Variants in LPA observed in about 807,000 individuals in gnomAD.
LPA encodes the protein lipoprotein(a).
Under a neutral mutation model 197.9 loss-of-function variants are expected in LPA, and 199 were observed. The observed-to-expected ratio is 1.01, with a 90% CI of 0.90 to 1.13. The LOEUF (loss-of-function observed/expected upper bound fraction) is 1.13, where lower values mean the gene tolerates loss of function less well. LPA is among the 50% of genes most tolerant of loss of function. LPA has a pLI of 0.00. For missense variants in LPA, 1,853 were observed against 1,785.8 expected (o/e 1.04, Z -0.68); for synonymous variants, 715 against 639.5 (o/e 1.12, Z -1.78).
intron 6 of LPA, among the ~76,000 whole-genome samples, chr6:160,635,790 A>T: frequency 1.1e-5 from 1 of 91,456 alleles, no homozygotes; most frequent in East Asian, 2.7e-4. Flanking sequence ...AACACACGTC[A>T]TCCAGGAGGA....
chr6:160,600,103 A>G (rs1779210049), intron 19 of LPA, among the ~76,000 whole-genome samples: 1 of 152,162 alleles, frequency 6.6e-6, no homozygotes, highest in Non-Finnish European at 1.5e-5. Context: ...TCCCTAGATG[A>G]TTGCTCAAAA....
intron 28 of LPA, among the ~76,000 whole-genome samples, chr6:160,557,807 A>T (rs1208894153): frequency 1.3e-5 from 2 of 152,188 alleles, no homozygotes; most frequent in Admixed American, 6.5e-5. Flanking sequence ...TATGATCCAT[A>T]AAAAAACTGA....
chr6:160,574,648 G>C (rs1390596818), intron 28 of LPA, among the ~76,000 whole-genome samples: 1 of 152,146 alleles, frequency 6.6e-6, no homozygotes. Flanking sequence ...GTAAAGTTGG[G>C]AACTTCTCCT....
chr6:160,572,950 T>C (rs1778589407), intron 28 of LPA, among the ~76,000 whole-genome samples: 1 of 152,204 alleles, frequency 6.6e-6, no homozygotes, highest in South Asian at 2.1e-4. Context: ...ACATGTTCTT[T>C]GTGTTTCTTG....
intron 30 of LPA, among the ~76,000 whole-genome samples, chr6:160,549,572 A>G (rs1778135026): frequency 6.6e-6 from 1 of 152,218 alleles, no homozygotes; most frequent in South Asian, 2.1e-4. Flanking sequence ...TACTCTCTGT[A>G]CTAGTCGTGT....
intron 1 of LPA, among the ~76,000 whole-genome samples, chr6:160,655,727 C>T (rs1780121200): frequency 6.6e-6 from 1 of 152,226 alleles, no homozygotes; most frequent in South Asian, 2.1e-4. Context: ...CATCCTCTGG[C>T]ATACAAATGT....
chr6:160,534,533 T>G (rs1037962930), intron 37 of LPA, among the ~76,000 whole-genome samples: 1 of 152,158 alleles, frequency 6.6e-6, no homozygotes, highest in Admixed American at 6.6e-5. Flanking sequence ...CCCCTTGGCC[T>G]CAACACCACT....
At chr6:160,547,609 G>C (rs548805259) in intron 32 of LPA, among the ~76,000 whole-genome samples, 180 bp downstream of exon 32, 62 of 152,268 alleles carry the variant, frequency 4.1e-4, no homozygotes, top group Non-Finnish European at 7.4e-5. Context: ...TGTCAAAAGA[G>C]AAGAGGCCTG....
intron 2 of LPA, among the ~76,000 whole-genome samples, chr6:160,648,230 C>G (rs559925559): frequency 1.4e-4 from 22 of 152,304 alleles, no homozygotes; most frequent in South Asian, 1.2e-3. Context: ...TCTAGCAAGA[C>G]ACAGCTTTTT....
At chr6:160,597,807 A>G (rs56199881) in intron 20 of LPA, among the ~76,000 whole-genome samples, 2,463 of 152,264 alleles carry the variant, frequency 0.016, 66 homozygotes, top group African/African-American at 0.056. Context: ...TTTCCTGGTT[A>G]TGGTTCACAC....
chr6:160,553,565 C>T (rs563106917), intron 30 of LPA, among the ~76,000 whole-genome samples: 3 of 152,122 alleles, frequency 2.0e-5, no homozygotes, highest in South Asian at 4.1e-4. Flanking sequence ...GAGAAGGCAT[C>T]GGTCACTTTC....
intron 16 of LPA, among the ~76,000 whole-genome samples, chr6:160,609,756 T>G (rs1779445919): frequency 6.6e-6 from 1 of 151,964 alleles, no homozygotes. Flanking sequence ...TCTTTAGGGA[T>G]GTGCATGTGT....
Position 160,589,673 on chromosome 6 carries a change from T to C in LPA, c.3827A>G (p.His1276Arg). ...EQSPTVQDCYHGDGQSYRGSF... is the reference protein window; with the variant it reads ...EQSPTVQDCYRGDGQSYRGSF... ...GCCTCGATAACTCTGTCCATCACCA[T>C]GGTAGCAGTCCTGGACTGTGGGGCT... The change falls in exon 24 of 39, where the codon CAT becomes CGT. Residue 1276 changes from histidine to arginine, a missense_variant. His to Arg is a conservative substitution (Grantham distance 29, BLOSUM62 0). Around this residue, in one of 3 missense-constraint regions of LPA, gnomAD observed 1,737 missense variants for 1,504.4 expected, o/e 1.15. Coordinates refer to ENST00000316300, the MANE Select transcript of LPA (RefSeq NM_005577.4). The C allele has an allele frequency of 6.2e-7, 1 of 1,613,920 alleles. No individual in the cohort carries two copies. The highest frequency in any genetic ancestry group is 8.5e-7 in the Non-Finnish European group (1 of 1,179,854).
chr6:160,595,267 C>G (rs1043324587), intron 21 of LPA, 87 bp downstream of exon 21: 2 of 1,505,894 alleles, frequency 1.3e-6, no homozygotes, highest in Admixed American at 3.4e-5. Context: ...ATTGTGTGAG[C>G]ATGGAAGGCT....
At chr6:160,594,886 T>G (rs1226362658) in intron 21 of LPA, among the ~76,000 whole-genome samples, 1 of 152,100 alleles carries the variant, frequency 6.6e-6, no homozygotes, top group African/African-American at 2.4e-5. Flanking sequence ...GACCCAGAAG[T>G]ATATGGAACT....
chr6:160,650,311 T>C (rs756630466), intron 2 of LPA, 27 bp downstream of exon 2: 10 of 1,611,352 alleles, frequency 6.2e-6, no homozygotes, highest in Non-Finnish European at 8.5e-6. Context: ...GGACCTTGTT[T>C]TGCTTACTGT....
chr6:160,647,845 A>G (rs1247373550), intron 2 of LPA, among the ~76,000 whole-genome samples: 2 of 152,236 alleles, frequency 1.3e-5, no homozygotes, highest in African/African-American at 2.4e-5. Flanking sequence ...ACTCTCATTT[A>G]AAAAGATATA....
At chr6:160,554,556 T>G (rs891847725) in intron 30 of LPA, among the ~76,000 whole-genome samples, 21 of 152,242 alleles carry the variant, frequency 1.4e-4, no homozygotes, top group Admixed American at 2.0e-4. Context: ...CTGGGGTCTC[T>G]ACTGAATGCC....
intron 26 of LPA, among the ~76,000 whole-genome samples, chr6:160,579,343 T>G: frequency 6.6e-6 from 1 of 152,160 alleles, no homozygotes; most frequent in East Asian, 1.9e-4. Context: ...TATAAAAGCT[T>G]CCCTGGAAAA....
Sources: allele counts gnomAD v4.1 joint callset (sites outside exome capture counted in the v4.1 genomes callset), GRCh38; gene constraint gnomAD v4.1.1; regional missense constraint gnomAD v4.1.1; transcripts MANE v1.5; gene names NCBI Gene and HGNC (gene_info 2026-07-23, HGNC 2026-07-21).